Variants in RECK observed in about 807,000 individuals in gnomAD.
RECK encodes reversion inducing cysteine rich protein with kazal motifs.
In RECK, 69 loss-of-function variants were observed where a neutral mutation model predicts 115.1. The observed-to-expected ratio is 0.60, with a 90% CI of 0.49 to 0.73. The LOEUF (loss-of-function observed/expected upper bound fraction) is 0.73. Among genes scored for constraint, RECK ranks in the 30% least tolerant of loss-of-function variants. The pLI is 0.00. For synonymous variants in RECK, 414 were observed against 419.7 expected, an observed-to-expected ratio of 0.99 and a Z score of 0.17; for missense variants, 1,047 against 1,203.7, an observed-to-expected ratio of 0.87 and a Z score of 1.93.
chr9:36,041,613 TCTC>T (rs1820868311), intron 1 of RECK, among the ~76,000 whole-genome samples: 2 of 152,188 alleles, frequency 1.3e-5, no homozygotes, highest in Non-Finnish European at 2.9e-5. Context: ...ATTCAGCACA[TCTC>T]TACCTCAGGG....
chr9:36,118,922 T>C lies in RECK; in HGVS notation c.2419T>C (p.Cys807Arg). 4 of 1,613,332 alleles carry C rather than the reference T, an allele frequency of 2.5e-6. No homozygotes were observed. The highest frequency in any genetic ancestry group is 2.5e-6 in the Non-Finnish European group (3 of 1,180,022). ...CGTCGCCGAGTGTGCTTCTGTCAAG[T>C]GTCCTTCGCTCTTGGCAGCTGGATG... ...SSVAECASVK[C>R]PSLLAAGCKP... Residue 807 changes from cysteine (C) to arginine (R), a missense_variant, in exon 18 of 21, where the codon TGT (cysteine) becomes CGT (arginine). By Grantham distance (180) the Cys-to-Arg change is radical. Coordinates refer to ENST00000377966, the MANE Select transcript of RECK (RefSeq NM_021111.3).
intron 6 of RECK, among the ~76,000 whole-genome samples, chr9:36,078,026 A>AT (rs1206261956): frequency 3.0e-4 from 41 of 135,654 alleles, no homozygotes; most frequent in South Asian, 9.7e-4. Context: ...TCTTAAAAAA[A>AT]ATTTTTTAAT....
In RECK at chr9:36,091,324, T is replaced by G; in HGVS notation, c.1066T>G (p.Cys356Gly). ...CQLGCRNLTYCTNFNNRPTEL... is the reference protein window; with the variant it reads ...CQLGCRNLTYGTNFNNRPTEL... Reference sequence around the variant, plus strand: ...GTTGGGCTGTAGAAACCTTACTTACTGTACTAATTTTAACAACAGGTAAGA... The same window carrying G: ...GTTGGGCTGTAGAAACCTTACTTACGGTACTAATTTTAACAACAGGTAAGA... Residue 356 changes from cysteine (C) to glycine (G), a missense_variant, in exon 10 of 21, where the codon TGT becomes GGT. By Grantham distance (159) the Cys-to-Gly change is radical. Transcript: ENST00000377966. The G allele has an allele frequency of 1.3e-6, 2 of 1,550,798 alleles. No individual in the cohort carries two copies. Among genetic ancestry groups the G allele is most frequent in the South Asian group, 2.5e-5 (2 of 81,324 alleles).
intron 6 of RECK, among the ~76,000 whole-genome samples, chr9:36,067,267 A>G (rs1474919758): frequency 6.6e-6 from 1 of 152,158 alleles, no homozygotes; most frequent in Non-Finnish European, 1.5e-5. Context: ...AGAATAATTT[A>G]TGAACCAGGC....
At chr9:36,054,061 C>T (rs1194772173) in intron 2 of RECK, among the ~76,000 whole-genome samples, 2 of 152,132 alleles carry the variant, frequency 1.3e-5, no homozygotes, top group African/African-American at 2.4e-5. Flanking sequence ...AGTCGCCATC[C>T]TGATCATGGG....
intron 6 of RECK, among the ~76,000 whole-genome samples, chr9:36,069,787 C>A (rs946264245): frequency 3.9e-5 from 6 of 151,966 alleles, no homozygotes; most frequent in African/African-American, 1.5e-4. Flanking sequence ...TACAAATACC[C>A]AGCAGGATCA....
At chr9:36,089,585 A>G (rs1823084547) in intron 9 of RECK, among the ~76,000 whole-genome samples, 1 of 152,218 alleles carries the variant, frequency 6.6e-6, no homozygotes, top group African/African-American at 2.4e-5. Context: ...AAAATTCCAC[A>G]CCTGACCTCA....
intron 10 of RECK, among the ~76,000 whole-genome samples, chr9:36,097,786 CAATG>C (rs898853738): frequency 1.3e-5 from 2 of 152,190 alleles, no homozygotes; most frequent in East Asian, 1.9e-4. Context: ...CTGTATTCAT[CAATG>C]AATGAATGAA....
intron 11 of RECK, 40 bp downstream of exon 11, chr9:36,100,583 C>T (rs181427425): frequency 3.8e-5 from 57 of 1,485,488 alleles, no homozygotes; most frequent in Admixed American, 2.0e-4. Context: ...AGCTTTAGTT[C>T]AGACCCTCCG....
chr9:36,083,288 T>C, intron 7 of RECK, 77 bp from the exon 8 acceptor site: 1 of 1,372,530 alleles, frequency 7.3e-7, no homozygotes, highest in African/African-American at 1.4e-5. Context: ...AGACATATTG[T>C]TCCATCATTA....
chr9:36,101,925 G>T (rs1001751973), intron 11 of RECK, among the ~76,000 whole-genome samples, 169 bp from the exon 12 acceptor site: 1 of 152,188 alleles, frequency 6.6e-6, no homozygotes, highest in African/African-American at 2.4e-5. Context: ...AGTTAGGGGT[G>T]CTTTCAATTT....
intron 4 of RECK, among the ~76,000 whole-genome samples, chr9:36,060,676 G>A (rs186063436): frequency 8.4e-4 from 128 of 151,890 alleles, no homozygotes; most frequent in African/African-American, 3.1e-3. Context: ...AGATGGAGCC[G>A]TAAGGACTAT....
chr9:36,110,422 A>G (rs1823995497), intron 15 of RECK, among the ~76,000 whole-genome samples: 3 of 152,142 alleles, frequency 2.0e-5, no homozygotes, highest in South Asian at 2.1e-4. Context: ...ATGTCCATGC[A>G]TGTTCTCAGT....
At chr9:36,097,768 G>A (rs940578080) in intron 10 of RECK, among the ~76,000 whole-genome samples, 3 of 152,182 alleles carry the variant, frequency 2.0e-5, no homozygotes, top group East Asian at 1.9e-4. Flanking sequence ...CCAAGATGTA[G>A]AATCAACCTG....
Position 36,100,335 on chromosome 9 carries a change from A to G in RECK, c.1090A>G (p.Thr364Ala). ...TYCTNFNNRPTELFRSCNAQS... is the reference protein window; with the variant it reads ...TYCTNFNNRPAELFRSCNAQS... ...TCTGGCCTTTTTTCTCTTTAGGCCA[A>G]CAGAACTTTTCAGGAGTTGTAATGC... is the stretch of plus-strand genomic sequence containing the variant. The change falls in exon 11 of 21, where the codon ACA becomes GCA. Residue 364 changes from threonine (T) to alanine (A), a missense_variant. Thr to Ala is a moderately conservative substitution (Grantham distance 58, BLOSUM62 0). Transcript: ENST00000377966. The G allele has an allele frequency of 6.2e-7, 1 of 1,613,850 alleles. No individual in the cohort carries two copies. The highest frequency in any genetic ancestry group is 8.5e-7 in the Non-Finnish European group (1 of 1,179,824).
chr9:36,086,600 A>G (rs1822973212), intron 8 of RECK, among the ~76,000 whole-genome samples: 1 of 152,206 alleles, frequency 6.6e-6, no homozygotes. Flanking sequence ...TCGGGTGGCC[A>G]GCTTTTATTC....
intron 6 of RECK, among the ~76,000 whole-genome samples, chr9:36,069,002 C>G (rs1822121055): frequency 6.6e-6 from 1 of 152,116 alleles, no homozygotes; most frequent in Non-Finnish European, 1.5e-5. Context: ...AACACAGATC[C>G]TCTCTGGAGG....
At chr9:36,106,563 A>G (rs1823827917) in intron 13 of RECK, among the ~76,000 whole-genome samples, 1 of 152,036 alleles carries the variant, frequency 6.6e-6, no homozygotes, top group South Asian at 2.1e-4. Context: ...AGTAAAATAA[A>G]GCAAAAGATG....
At chr9:36,104,202 C>G (rs2132655037) in intron 12 of RECK, among the ~76,000 whole-genome samples, 1 of 146,890 alleles carries the variant, frequency 6.8e-6, no homozygotes, top group South Asian at 2.1e-4. Context: ...CATTTTTTAT[C>G]CCCTGACACT....
Sources: gnomAD v4.1 joint callset for allele counts (sites outside exome capture counted in the v4.1 genomes callset) on GRCh38, gnomAD v4.1.1 for gene constraint, MANE v1.5 for transcripts, NCBI Gene and HGNC (gene_info 2026-07-23, HGNC 2026-07-21) for gene names.